TENM3: variants seen among roughly 807,000 people sequenced by gnomAD.
The protein encoded by TENM3 is teneurin-3.
TENM3 carries 63 observed loss-of-function variants against 255.1 expected under a neutral mutation model. The ratio of observed to expected loss-of-function variants is 0.25; its 90% CI spans 0.20 to 0.30. The LOEUF (loss-of-function observed/expected upper bound fraction) is 0.30, where lower values mean the gene tolerates loss of function less well. Among genes scored for constraint, TENM3 ranks in the 10% least tolerant of loss-of-function variants. TENM3 has a pLI of 1.00. For synonymous variants in TENM3, 1,306 were observed against 1,322.3 expected, an observed-to-expected ratio of 0.99 and a Z score of 0.27; for missense variants, 2,929 against 3,461.1, an observed-to-expected ratio of 0.85 and a Z score of 3.86.
intron 3 of TENM3, among the ~76,000 whole-genome samples, chr4:182,365,748 C>T (rs1487945972): frequency 6.6e-6 from 1 of 152,188 alleles, no homozygotes; most frequent in Non-Finnish European, 1.5e-5. Flanking sequence ...TGCCACTTAA[C>T]TCATACGTTC....
In TENM3 at chr4:182,440,025, C is replaced by G. The variant is rs556994528; in HGVS notation, c.511+93096C>G. Among the ~76,000 whole-genome samples the G allele has an allele frequency of 3.3e-5, 5 of 151,690 alleles. No homozygotes were observed. The East Asian group carries it at 9.7e-4, about 29-fold the overall frequency. On this transcript the variant is annotated intron_variant, in intron 3 of 27. Coordinates refer to ENST00000511685, the MANE Select transcript of TENM3 (RefSeq NM_001080477.4). ...TTGCCTCTGAAATCTCATCTGCTCT[C>G]GTAAGTATCACTGTTAGGGAACCAG...
chr4:182,465,025 GATA>G (rs1732456388), intron 3 of TENM3, among the ~76,000 whole-genome samples: 1 of 152,160 alleles, frequency 6.6e-6, no homozygotes, highest in South Asian at 2.1e-4. Flanking sequence ...CAACTTCTGT[GATA>G]ATGTCATTGA....
chr4:182,108,547 CA>C, the TENM3 span, among the ~76,000 whole-genome samples: 782 of 152,272 alleles, frequency 5.1e-3, 2 homozygotes, highest in Middle Eastern at 0.01. Context: ...CTAATCTAAG[CA>C]TTTTGCTCAG....
At chr4:181,550,742 A>G in the TENM3 span, among the ~76,000 whole-genome samples, 1 of 152,208 alleles carries the variant, frequency 6.6e-6, no homozygotes, top group South Asian at 2.1e-4. Flanking sequence ...TTCTCTAAGC[A>G]GTATTTATTA....
chr4:182,156,011 A>ATTT (rs56399249), intron 1 of TENM3, among the ~76,000 whole-genome samples: 1 of 118,560 alleles, frequency 8.4e-6, no homozygotes, highest in African/African-American at 3.2e-5. Context: ...CTGTTTGAGG[A>ATTT]TTTTTTTTTT....
At chr4:182,111,984 A>G in the TENM3 span, among the ~76,000 whole-genome samples, 1 of 152,016 alleles carries the variant, frequency 6.6e-6, no homozygotes, top group Admixed American at 6.6e-5. Context: ...TCTTTCTTCT[A>G]TTTTTACATT....
chr4:181,600,761 G>A, the TENM3 span, among the ~76,000 whole-genome samples: 2 of 151,394 alleles, frequency 1.3e-5, no homozygotes, highest in African/African-American at 2.4e-5. Context: ...GACTTGTGAT[G>A]GTACCTGGTG....
chr4:182,313,245 A>C (rs1225448966), intron 1 of TENM3, among the ~76,000 whole-genome samples: 2 of 151,922 alleles, frequency 1.3e-5, no homozygotes, highest in African/African-American at 4.8e-5. Context: ...CCAATTAAAA[A>C]TCTTTCAGTA....
chr4:182,670,045 C>G (rs957639099), intron 6 of TENM3, among the ~76,000 whole-genome samples: 3 of 152,136 alleles, frequency 2.0e-5, no homozygotes, highest in African/African-American at 7.2e-5. Flanking sequence ...AAATTGGTCT[C>G]AGATAATTAA....
intron 3 of TENM3, among the ~76,000 whole-genome samples, chr4:182,586,218 C>G (rs1361715123): frequency 1.3e-5 from 2 of 152,168 alleles, no homozygotes; most frequent in Admixed American, 6.5e-5. Flanking sequence ...GATCACAGTA[C>G]TGTACTCCAG....
At chr4:181,609,348 A>C in the TENM3 span, among the ~76,000 whole-genome samples, 1 of 152,202 alleles carries the variant, frequency 6.6e-6, no homozygotes, top group African/African-American at 2.4e-5. Context: ...GCCAGTGAAG[A>C]GGGTTTTTTT....
At chr4:181,808,559 G>A in the TENM3 span, among the ~76,000 whole-genome samples, 5 of 152,208 alleles carry the variant, frequency 3.3e-5, no homozygotes, top group East Asian at 1.9e-4. Context: ...ATTTTGTCTT[G>A]CATCTACAGC....
At chr4:182,393,008 A>C (rs1561400442) in intron 3 of TENM3, among the ~76,000 whole-genome samples, 1 of 152,210 alleles carries the variant, frequency 6.6e-6, no homozygotes, top group Non-Finnish European at 1.5e-5. Context: ...TGGAGAAAGA[A>C]AGTAAAGAAA....
intron 3 of TENM3, among the ~76,000 whole-genome samples, chr4:182,387,307 C>A (rs962467528): frequency 6.6e-6 from 1 of 152,194 alleles, no homozygotes; most frequent in African/African-American, 2.4e-5. Context: ...TCTGGTGGGG[C>A]CTTGGAGAAC....
At chr4:182,544,664 A>AAAG (rs1464909498) in intron 3 of TENM3, among the ~76,000 whole-genome samples, 1 of 152,086 alleles carries the variant, frequency 6.6e-6, no homozygotes, top group Non-Finnish European at 1.5e-5. Flanking sequence ...CTATCAAATA[A>AAAG]AAGTTGTGTT....
intron 17 of TENM3, among the ~76,000 whole-genome samples, chr4:182,737,323 G>A (rs1004987002): frequency 3.3e-5 from 5 of 152,136 alleles, no homozygotes; most frequent in Non-Finnish European, 7.4e-5. Flanking sequence ...TGTGAATGAG[G>A]TTTCAGCTTG....
At chr4:181,808,812 A>G in the TENM3 span, among the ~76,000 whole-genome samples, 6 of 152,330 alleles carry the variant, frequency 3.9e-5, no homozygotes, top group Admixed American at 1.3e-4. Flanking sequence ...TACTGGGTAC[A>G]CACAAGGAGG....
Position 182,601,071 on chromosome 4 carries a change from C to T in TENM3, c.659C>T (p.Ala220Val). 6.2e-7 allele frequency: 1 copy of T among 1,613,842 alleles called. No homozygotes were observed. The highest frequency in any genetic ancestry group is 8.5e-7 in the Non-Finnish European group (1 of 1,179,860). Reference protein sequence around the residue: ...NRRNQSPAPPAALPAELQTTP... With the variant: ...NRRNQSPAPPVALPAELQTTP... ...AGGAACCAGAGTCCGGCCCCGCCGG[C>T]TGCTTTGCCCGCCGAGCTGCAAACC... Residue 220 changes from alanine (A) to valine (V), a missense_variant, in exon 4 of 28, where the codon GCT becomes GTT. Around this residue, in one of 6 missense-constraint regions of TENM3, gnomAD observed 1,608 missense variants for 1,884.4 expected, o/e 0.85. Transcript: ENST00000511685.
the TENM3 span, among the ~76,000 whole-genome samples, chr4:181,502,307 C>T: frequency 6.6e-6 from 1 of 152,260 alleles, no homozygotes; most frequent in Admixed American, 6.5e-5. Context: ...CATTGTAGCA[C>T]ATGGGCCAAC....
Sources: gnomAD v4.1 joint callset for allele counts (sites outside exome capture counted in the v4.1 genomes callset) on GRCh38, gnomAD v4.1.1 for gene constraint, gnomAD v4.1.1 regional missense constraint, MANE v1.5 for transcripts, NCBI Gene and HGNC (gene_info 2026-07-23, HGNC 2026-07-21) for gene names.